The following SBNO2 variants were observed in gnomAD, a reference collection of about 807,000 sequenced individuals.
SBNO2 encodes the protein protein strawberry notch homolog 2.
A neutral mutation model predicts 146.3 loss-of-function variants in SBNO2; 89 were observed. The ratio of observed to expected loss-of-function variants is 0.61; its 90% CI spans 0.51 to 0.73. The LOEUF is 0.73. Ranked by LOEUF, SBNO2 falls within the 30% of genes least tolerant of loss-of-function variation. The pLI, the probability that SBNO2 is intolerant of heterozygous loss-of-function variation, is 0.00. For missense variants in SBNO2, 2,092 were observed against 2,003.7 expected (o/e 1.04, Z -0.84); for synonymous variants, 1,147 against 892.6 (o/e 1.29, Z -5.08).
chr19:1,114,242 C>T lies in SBNO2; in HGVS notation c.2066G>A (p.Ser689Asn). The T allele has an allele frequency of 1.3e-6, 2 of 1,516,354 alleles. No individual in the cohort carries two copies. The highest frequency in any genetic ancestry group is 1.4e-5 in the African/African-American group (1 of 71,524). 93.9% of individuals were successfully genotyped at this position (1,516,354 alleles called of 1,614,324 possible). ...VVIVDAVGLP[S>N]DDRGPLCLLQ... ...GGGCAAGCCCTCACCCCGGTCGTCA[C>T]TGGGGAGCCCGACTGCATCAACGAT... The change falls in exon 18 of 32, where the codon AGT becomes AAT. Residue 689 changes from serine (S) to asparagine (N), a missense_variant. Coordinates refer to ENST00000361757, the MANE Select transcript of SBNO2 (RefSeq NM_014963.3).
intron 1 of SBNO2, 75 bp from the exon 2 acceptor site, chr19:1,154,477 G>A (rs1220142002): frequency 1.3e-5 from 5 of 382,696 alleles, no homozygotes; most frequent in African/African-American, 1.0e-4. Flanking sequence ...CCTCTCCCTC[G>A]GGCATGACCG....
chr19:1,170,862 CACAA>C (rs1330716929), intron 1 of SBNO2, among the ~76,000 whole-genome samples: 2 of 151,726 alleles, frequency 1.3e-5, no homozygotes, highest in African/African-American at 2.4e-5. Context: ...GCACCCACAA[CACAA>C]ACACACACAA....
rs962987034 is a variant in SBNO2 at position 1,136,202 on chromosome 19, C to T, written c.280-8437G>A. The stretch of plus-strand genomic sequence containing the variant: ...GGGCCGGAAGGAGCGCGGCCCTGTC[C>T]GCACCTTGACTTTGGACTTCCAGGC... On this transcript the variant is annotated intron_variant, in intron 4 of 31. Coordinates refer to ENST00000361757, the MANE Select transcript of SBNO2 (RefSeq NM_014963.3). This position sits in a 1 kb window ranked among gnomAD's most constrained non-coding sequence, Gnocchi z 4.2. Among the ~76,000 whole-genome samples, 7 of 152,228 alleles carry T rather than the reference C, an allele frequency of 4.6e-5. No homozygotes were observed. The highest frequency in any genetic ancestry group is 1.9e-4 in the East Asian group (1 of 5,162).
chr19:1,117,941 A>C (rs1255525217), intron 14 of SBNO2, among the ~76,000 whole-genome samples: 1 of 152,210 alleles, frequency 6.6e-6, no homozygotes, highest in East Asian at 1.9e-4. Flanking sequence ...GACTCTGGCC[A>C]CGGATGCTGC....
At position 1,111,990 on chromosome 19, in the gene SBNO2, C is replaced by A. The variant is rs375422120; in HGVS notation, c.2700+6G>T. 4.3e-6 allele frequency: 7 copies of A among 1,611,086 alleles called. No homozygotes were observed. Among genetic ancestry groups the A allele is most frequent in the Non-Finnish European group, 5.9e-6 (7 of 1,179,374 alleles). ...CCGCCCCCCAACCCTGCCTTCCCTGCAGTACCTTGTTCTCAAAGTTGTACT... is the reference window on the plus strand; with the variant it reads ...CCGCCCCCCAACCCTGCCTTCCCTGAAGTACCTTGTTCTCAAAGTTGTACT... On this transcript the variant is annotated splice_donor_region_variant and intron_variant, in intron 23 of 31. Transcript: ENST00000361757.
At chr19:1,159,871 G>C (rs1190420995) in intron 1 of SBNO2, among the ~76,000 whole-genome samples, 12 of 151,920 alleles carry the variant, frequency 7.9e-5, no homozygotes, top group Non-Finnish European at 1.3e-4. Context: ...CCTGGGCCAA[G>C]GTGCCTGCCT....
rs1476125124 is a variant in SBNO2, at chr19:1,109,942, G to A, written c.3029-165C>T. 6.6e-6 allele frequency among the ~76,000 whole-genome samples: 1 copy of A among 151,992 alleles called. No individual in the cohort carries two copies. Among genetic ancestry groups the A allele is most frequent in the South Asian group, 2.1e-4 (1 of 4,812 alleles). ...CTGGCCCAGCGTGGGGATGGTGCAC[G>A]TGGGCCCCAACCTGGCAACCGCTCA... On this transcript the variant is annotated intron_variant, in intron 26 of 31. Coordinates refer to ENST00000361757, the MANE Select transcript of SBNO2 (RefSeq NM_014963.3). This position sits in a 1 kb window ranked among gnomAD's most constrained non-coding sequence, Gnocchi z 4.2.
In SBNO2 at chr19:1,136,018, T is replaced by TAA. The variant is rs1244719575; in HGVS notation, c.280-8255_280-8254dup. Among the ~76,000 whole-genome samples, 2 of 143,974 alleles carry TAA rather than the reference T, an allele frequency of 1.4e-5. No homozygotes were observed. The highest frequency in any genetic ancestry group is 5.1e-5 in the African/African-American group (2 of 39,182). The allele number at this position is 143,974 out of a possible 152,430, so 94.5% of individuals were successfully genotyped here. Reference sequence around the variant, plus strand: ...TCCGGTCCTTGCAGATGTGAGTGGTTAAAAAAAAAAAGGCCGCACTGGCCG... The same window carrying TAA: ...TCCGGTCCTTGCAGATGTGAGTGGTTAAAAAAAAAAAAAGGCCGCACTGGCCG... On this transcript the variant is annotated intron_variant, in intron 4 of 31. Coordinates refer to ENST00000361757, the MANE Select transcript of SBNO2 (RefSeq NM_014963.3). The surrounding 1 kb of genome is among the most constrained non-coding windows in gnomAD (Gnocchi z 4.2).
intron 1 of SBNO2, among the ~76,000 whole-genome samples, chr19:1,167,603 C>G (rs995344112): frequency 6.6e-6 from 1 of 152,214 alleles, no homozygotes; most frequent in East Asian, 1.9e-4. Context: ...CCTCCTCCAG[C>G]TGGAGAAGGG....
chr19:1,152,786 C>G (rs2080254814), intron 2 of SBNO2, among the ~76,000 whole-genome samples: 1 of 152,140 alleles, frequency 6.6e-6, no homozygotes, highest in African/African-American at 2.4e-5. Context: ...TAGGGAGTAC[C>G]CAGGAGACCC....
intron 11 of SBNO2, among the ~76,000 whole-genome samples, chr19:1,121,369 C>G (rs756524169): frequency 6.6e-6 from 1 of 152,138 alleles, no homozygotes; most frequent in African/African-American, 2.4e-5. Context: ...CAGCCGGGTG[C>G]GAAGACACCA....
intron 4 of SBNO2, among the ~76,000 whole-genome samples, chr19:1,138,836 C>T (rs932003630): frequency 3.3e-5 from 5 of 151,076 alleles, no homozygotes; most frequent in East Asian, 2.0e-4. Flanking sequence ...TGGTCCTCCA[C>T]GCCTCCATCA....
intron 11 of SBNO2, among the ~76,000 whole-genome samples, chr19:1,120,649 G>C (rs908597432): frequency 6.6e-6 from 1 of 152,102 alleles, no homozygotes; most frequent in Admixed American, 6.5e-5. Flanking sequence ...GGGATTACAG[G>C]TGTGAGCCGT....
Position 1,112,823 on chromosome 19 carries a change from C to G in SBNO2, c.2374G>C (p.Glu792Gln). The part of the protein sequence containing the change: ...LREKQRFMSG[E>Q]KLVAIISEAS... Reference sequence around the variant, plus strand: ...AGTGCACTGCAGCCCCGCACCTTCTCGCCGCTCATGAAGCGCTGCTTCTCC... The same window carrying G: ...AGTGCACTGCAGCCCCGCACCTTCTGGCCGCTCATGAAGCGCTGCTTCTCC... Residue 792 changes from glutamate (E) to glutamine (Q), a missense_variant, in exon 20 of 32, where the codon GAG (glutamate) becomes CAG (glutamine). Coordinates refer to ENST00000361757, the MANE Select transcript of SBNO2 (RefSeq NM_014963.3). This position sits in a 1 kb window ranked among gnomAD's most constrained non-coding sequence, Gnocchi z 5.9. The G allele has an allele frequency of 6.4e-7, 1 of 1,571,660 alleles. No individual in the cohort carries two copies. Among genetic ancestry groups the G allele is most frequent in the Non-Finnish European group, 8.6e-7 (1 of 1,160,182 alleles).
intron 4 of SBNO2, among the ~76,000 whole-genome samples, chr19:1,142,287 C>CT (rs2080148331): frequency 6.6e-6 from 1 of 151,570 alleles, no homozygotes; most frequent in Non-Finnish European, 1.5e-5. Context: ...AATCAATCTG[C>CT]CCCTCAGTGG....
intron 4 of SBNO2, among the ~76,000 whole-genome samples, chr19:1,135,179 T>C (rs573933752): frequency 3.1e-4 from 46 of 148,924 alleles, no homozygotes; most frequent in African/African-American, 8.5e-4. Flanking sequence ...CTGGGCAACA[T>C]AGTGAGATCC....
chr19:1,171,350 C>G (rs888246453), intron 1 of SBNO2, among the ~76,000 whole-genome samples: 2 of 151,372 alleles, frequency 1.3e-5, no homozygotes, highest in Non-Finnish European at 2.9e-5. Context: ...CCATACAACA[C>G]ACAGGCACAC....
At chr19:1,130,432 C>T (rs2080015658) in intron 4 of SBNO2, among the ~76,000 whole-genome samples, 1 of 152,068 alleles carries the variant, frequency 6.6e-6, no homozygotes, top group Non-Finnish European at 1.5e-5. Context: ...GTCGAGGCTG[C>T]AGTGAGCTAT....
chr19:1,116,711 C>G, intron 16 of SBNO2, 118 bp downstream of exon 16: 1 of 859,366 alleles, frequency 1.2e-6, no homozygotes, highest in South Asian at 1.8e-5. Context: ...CCAGCAAAGC[C>G]CACCCCAGCA....
Sources: gnomAD v4.1 joint callset for allele counts (sites outside exome capture counted in the v4.1 genomes callset) on GRCh38, gnomAD v4.1.1 for gene constraint, Gnocchi (gnomAD v3.1) non-coding constraint, MANE v1.5 for transcripts, NCBI Gene and HGNC (gene_info 2026-07-23, HGNC 2026-07-21) for gene names.